Variants in PPP1R36 observed in about 807,000 individuals in gnomAD.
The protein encoded by PPP1R36 is protein phosphatase 1 regulatory subunit 36.
Under a neutral mutation model 53.4 loss-of-function variants are expected in PPP1R36, and 47 were observed. The ratio of observed to expected loss-of-function variants is 0.88; its 90% CI spans 0.70 to 1.12. The LOEUF (loss-of-function observed/expected upper bound fraction) is 1.12. Among genes scored for constraint, PPP1R36 ranks in the 50% most tolerant of loss-of-function variants. The probability of loss-of-function intolerance (pLI) is 0.00; values close to 1 mark genes in which losing one functional copy is unlikely to be tolerated. For missense variants in PPP1R36, 456 were observed against 513.9 expected (o/e 0.89, Z 1.09); for synonymous variants, 153 against 170.5 (o/e 0.90, Z 0.80).
At chr14:64,568,322 T>C in intron 6 of PPP1R36, 27 bp from the exon 7 acceptor site, 1 of 1,065,674 alleles carries the variant, frequency 9.4e-7, no homozygotes, top group Non-Finnish European at 1.4e-6. Flanking sequence ...ATTGACTCTT[T>C]TTTTGTTGTT....
chr14:64,554,476 C>A (rs9805949), intron 3 of PPP1R36, among the ~76,000 whole-genome samples: 6,976 of 152,052 alleles, frequency 0.046, 543 homozygotes, highest in African/African-American at 0.16. Flanking sequence ...ACAGATAGTT[C>A]AAACCTATCT....
chr14:64,571,390 G>A (rs1183101515), intron 7 of PPP1R36, among the ~76,000 whole-genome samples: 1 of 152,116 alleles, frequency 6.6e-6, no homozygotes, highest in Non-Finnish European at 1.5e-5. Flanking sequence ...GCCTCCCAAA[G>A]TGCTGGGATT....
chr14:64,557,699 A>G (rs2080167695), intron 3 of PPP1R36, among the ~76,000 whole-genome samples: 1 of 152,220 alleles, frequency 6.6e-6, no homozygotes, highest in Non-Finnish European at 1.5e-5. Context: ...AGGCAAAGAA[A>G]GAGGAATTGG....
chr14:64,587,509 G>A, intron 10 of PPP1R36, 137 bp downstream of exon 10: 1 of 497,866 alleles, frequency 2.0e-6, no homozygotes, highest in Non-Finnish European at 3.1e-6. Flanking sequence ...TGCTGAGGCT[G>A]GAGTGCAGTG....
At chr14:64,566,850 C>G (rs2080262065) in intron 6 of PPP1R36, among the ~76,000 whole-genome samples, 1 of 152,234 alleles carries the variant, frequency 6.6e-6, no homozygotes, top group Non-Finnish European at 1.5e-5. Flanking sequence ...AGAAGCAGCC[C>G]TCATTCAGTG....
intron 6 of PPP1R36, among the ~76,000 whole-genome samples, chr14:64,565,921 A>G (rs565204656): frequency 6.6e-6 from 1 of 152,216 alleles, no homozygotes; most frequent in African/African-American, 2.4e-5. Context: ...TATGGAGAGC[A>G]TGCTGTCAGA....
At chr14:64,576,078 CTTTTTT>C (rs5809235) in intron 8 of PPP1R36, among the ~76,000 whole-genome samples, 3 of 108,988 alleles carry the variant, frequency 2.8e-5, no homozygotes, top group African/African-American at 3.3e-5. Context: ...GACTGAGTAT[CTTTTTT>C]TTTTTTTTTT....
intron 3 of PPP1R36, among the ~76,000 whole-genome samples, chr14:64,563,175 T>A (rs1162021642): frequency 2.0e-5 from 3 of 152,128 alleles, no homozygotes; most frequent in Non-Finnish European, 4.4e-5. Context: ...CTCACTTTTT[T>A]ATTTTATTTT....
chr14:64,585,235 GC>G (rs1470361382), intron 8 of PPP1R36, among the ~76,000 whole-genome samples: 5 of 152,196 alleles, frequency 3.3e-5, no homozygotes, highest in Non-Finnish European at 7.3e-5. Context: ...GCAGAAGCAG[GC>G]CGGGCACCTT....
At chr14:64,576,995 C>A (rs943889281) in intron 8 of PPP1R36, among the ~76,000 whole-genome samples, 1 of 152,120 alleles carries the variant, frequency 6.6e-6, no homozygotes, top group African/African-American at 2.4e-5. Flanking sequence ...GTTGCTATAG[C>A]AAAGTACCAT....
chr14:64,580,899 T>C (rs2080383306), intron 8 of PPP1R36, among the ~76,000 whole-genome samples: 1 of 152,208 alleles, frequency 6.6e-6, no homozygotes, highest in Non-Finnish European at 1.5e-5. Flanking sequence ...TTCTCTTTCA[T>C]ATATGTGTTA....
intron 10 of PPP1R36, 81 bp from the exon 11 acceptor site, chr14:64,588,023 C>A: frequency 1.5e-6 from 2 of 1,338,268 alleles, no homozygotes; most frequent in Non-Finnish European, 2.1e-6. Context: ...GGATTACAGG[C>A]ATGAGCCACT....
chr14:64,560,953 C>T (rs2080201089), intron 3 of PPP1R36, among the ~76,000 whole-genome samples: 1 of 152,126 alleles, frequency 6.6e-6, no homozygotes. Context: ...CCATATGAAG[C>T]TCTGAGAGGG....
At chr14:64,584,831 G>A (rs747231987) in intron 8 of PPP1R36, among the ~76,000 whole-genome samples, 2 of 152,172 alleles carry the variant, frequency 1.3e-5, no homozygotes, top group South Asian at 2.1e-4. Context: ...AGGGCTTAGC[G>A]TGGTGCAGGA....
chr14:64,568,888 C>G (rs867780100), intron 7 of PPP1R36, among the ~76,000 whole-genome samples: 1 of 151,878 alleles, frequency 6.6e-6, no homozygotes, highest in South Asian at 2.1e-4. Flanking sequence ...TATAATATAT[C>G]TCAATTCATA....
At chr14:64,553,855 C>T (rs1308577930) in intron 3 of PPP1R36, among the ~76,000 whole-genome samples, 2 of 148,404 alleles carry the variant, frequency 1.3e-5, no homozygotes, top group Non-Finnish European at 3.0e-5. Flanking sequence ...CAACTCCAAA[C>T]CCCGGACTAC....
At chr14:64,559,259 A>G (rs1001193109) in intron 3 of PPP1R36, 3 of 152,206 alleles carry the variant, frequency 2.0e-5, no homozygotes, top group African/African-American at 7.2e-5. Flanking sequence ...TACTGAAAAG[A>G]AACCAGACCC....
intron 8 of PPP1R36, among the ~76,000 whole-genome samples, chr14:64,584,233 C>T (rs1011636576): frequency 2.0e-5 from 3 of 152,082 alleles, no homozygotes; most frequent in African/African-American, 7.2e-5. Flanking sequence ...AAAAAAAGAA[C>T]CCAGAAAGAA....
chr14:64,565,208 AT>A (rs1403918940), intron 4 of PPP1R36, 148 bp from the exon 5 acceptor site: 1 of 606,402 alleles, frequency 1.6e-6, no homozygotes, highest in African/African-American at 1.9e-5. Flanking sequence ...AATAAAAAGC[AT>A]TCCAAAATGA....
Sources: allele counts gnomAD v4.1 joint callset (sites outside exome capture counted in the v4.1 genomes callset), GRCh38; gene constraint gnomAD v4.1.1; transcripts MANE v1.5; gene names NCBI Gene and HGNC (gene_info 2026-07-23, HGNC 2026-07-21).